The following GDA variants were observed in gnomAD, a reference collection of about 807,000 sequenced individuals.
GDA encodes the protein cytoplasmic PSD-95 interactor.
A neutral mutation model predicts 59.6 loss-of-function variants in GDA; 18 were observed. The ratio of observed to expected loss-of-function variants is 0.30; its 90% confidence interval spans 0.21 to 0.45. GDA has a LOEUF of 0.45. GDA is among the 20% of genes least tolerant of loss of function. The probability of loss-of-function intolerance (pLI) is 1.00; values close to 1 mark genes in which losing one functional copy is unlikely to be tolerated. For missense variants in GDA, 427 were observed against 552.3 expected (o/e 0.77, Z 2.27); for synonymous variants, 201 against 201.1 (o/e 1.00, Z 0.00).
intron 1 of GDA, among the ~76,000 whole-genome samples, chr9:72,132,552 C>T (rs1409522389): frequency 6.6e-6 from 1 of 152,112 alleles, no homozygotes; most frequent in African/African-American, 2.4e-5. Context: ...ATGACAAGTG[C>T]AGATATCTTA....
intron 1 of GDA, among the ~76,000 whole-genome samples, chr9:72,118,974 A>C (rs947293054): frequency 1.4e-4 from 21 of 152,244 alleles, no homozygotes; most frequent in Non-Finnish European, 2.8e-4. Context: ...ATTAAGTTTT[A>C]CATATTTATT....
At chr9:72,240,710 T>A (rs1377020484) in intron 10 of GDA, among the ~76,000 whole-genome samples, 1 of 152,054 alleles carries the variant, frequency 6.6e-6, no homozygotes, top group Non-Finnish European at 1.5e-5. Flanking sequence ...GAAGGCTATT[T>A]GAGGATGGAG....
chr9:72,185,950 A>G (rs1831814588), intron 1 of GDA, among the ~76,000 whole-genome samples: 2 of 152,186 alleles, frequency 1.3e-5, no homozygotes, highest in Non-Finnish European at 1.5e-5. Flanking sequence ...ACAAGGGGCC[A>G]GTTGAGAAGA....
intron 12 of GDA, among the ~76,000 whole-genome samples, chr9:72,245,619 T>C (rs1840056469): frequency 6.6e-6 from 1 of 152,168 alleles, no homozygotes. Flanking sequence ...TCAGAGCAAC[T>C]CTAAGAGAGT....
chr9:72,236,357 A>G (rs779051618), intron 10 of GDA, among the ~76,000 whole-genome samples: 20 of 152,238 alleles, frequency 1.3e-4, no homozygotes, highest in Middle Eastern at 3.4e-3. Flanking sequence ...TAATAAGCGT[A>G]TATCTCCTTT....
At chr9:72,193,884 C>T (rs1832851725) in intron 1 of GDA, 1 of 151,960 alleles carries the variant, frequency 6.6e-6, no homozygotes, top group Non-Finnish European at 1.5e-5. Context: ...CTTCCTTCCC[C>T]TTTTTGAAGG....
At chr9:72,259,313 G>A (rs1049183637), downstream of GDA, among the ~76,000 whole-genome samples, 9 of 152,266 alleles carry the variant, frequency 5.9e-5, no homozygotes, top group African/African-American at 1.9e-4. Context: ...GTGAGCCACC[G>A]TGCCTGGCCA....
In GDA at chr9:72,149,522, C is replaced by T. The variant is rs753746160; in HGVS notation, c.-38C>T. 1 of 1,604,472 alleles carries T rather than the reference C, an allele frequency of 6.2e-7. No homozygotes were observed. The highest frequency in any genetic ancestry group is 1.4e-5 in the African/African-American group (1 of 73,866). The stretch of plus-strand genomic sequence containing the variant: ...GCTGCGTCTCCGCCGCGTGCGCCCT[C>T]CTCGACCAGCAGACCCGCGCTGCGC... On this transcript the variant is annotated 5_prime_UTR_variant, in exon 1 of 14. Transcript: ENST00000358399.
chr9:72,190,371 C>T (rs1015234885), intron 1 of GDA, among the ~76,000 whole-genome samples: 1 of 152,218 alleles, frequency 6.6e-6, no homozygotes, highest in Non-Finnish European at 1.5e-5. Flanking sequence ...AAGCAATCTG[C>T]TCGCCTTGGC....
chr9:72,231,221 A>C (rs188446998), intron 10 of GDA, 40 bp downstream of exon 10: 1 of 1,007,582 alleles, frequency 9.9e-7, no homozygotes, highest in Non-Finnish European at 1.6e-6. Flanking sequence ...AAAGTGGTTG[A>C]TTACTGTGTA....
chr9:72,244,710 T>C, intron 11 of GDA, among the ~76,000 whole-genome samples: 1 of 152,218 alleles, frequency 6.6e-6, no homozygotes, highest in East Asian at 1.9e-4. Context: ...AAATAAATCT[T>C]GTCAGCTATT....
intron 1 of GDA, among the ~76,000 whole-genome samples, chr9:72,156,887 A>T (rs1396148438): frequency 1.3e-5 from 2 of 152,166 alleles, no homozygotes; most frequent in African/African-American, 2.4e-5. Context: ...TGAAGAAAAG[A>T]TACTTGGAAC....
chr9:72,212,749 G>GGA (rs920294533), intron 4 of GDA, among the ~76,000 whole-genome samples: 4 of 152,080 alleles, frequency 2.6e-5, no homozygotes, highest in East Asian at 3.9e-4. Flanking sequence ...ATAGAGAGAG[G>GGA]GAGAGAGAGA....
chr9:72,165,802 G>T (rs925200486), intron 1 of GDA, among the ~76,000 whole-genome samples: 6 of 151,906 alleles, frequency 3.9e-5, no homozygotes, highest in Admixed American at 2.0e-4. Context: ...GGAGGCTGAG[G>T]GGGGAGAACT....
intron 1 of GDA, among the ~76,000 whole-genome samples, chr9:72,119,273 G>T (rs565452388): frequency 1.3e-5 from 2 of 152,334 alleles, no homozygotes; most frequent in Non-Finnish European, 2.9e-5. Context: ...AGGAGGCCGA[G>T]GGGGGCAGAT....
At chr9:72,169,124 C>T (rs1304076644) in intron 1 of GDA, among the ~76,000 whole-genome samples, 1 of 152,210 alleles carries the variant, frequency 6.6e-6, no homozygotes, top group Non-Finnish European at 1.5e-5. Flanking sequence ...ATTGCTAATT[C>T]TTAAGCAGTT....
At chr9:72,238,049 C>T (rs13298009) in intron 10 of GDA, among the ~76,000 whole-genome samples, 24,496 of 152,082 alleles carry the variant, frequency 0.16, 2,187 homozygotes, top group Middle Eastern at 0.29. Flanking sequence ...CCCTTCAATG[C>T]GATTTTGAGT....
chr9:72,257,941 A>AGAG, downstream of GDA, among the ~76,000 whole-genome samples: 3 of 151,316 alleles, frequency 2.0e-5, no homozygotes, highest in East Asian at 3.9e-4. Flanking sequence ...CGAAAAAAAA[A>AGAG]AAAAAAAGAT....
intron 1 of GDA, among the ~76,000 whole-genome samples, chr9:72,120,288 A>C (rs1038744958): frequency 7.9e-5 from 12 of 151,880 alleles, no homozygotes; most frequent in African/African-American, 2.9e-4. Context: ...CCTGGGTTCA[A>C]GCGATTCTCC....
Sources: gnomAD v4.1 joint callset for allele counts (sites outside exome capture counted in the v4.1 genomes callset) on GRCh38, gnomAD v4.1.1 for gene constraint, MANE v1.5 for transcripts, NCBI Gene and HGNC (gene_info 2026-07-23, HGNC 2026-07-21) for gene names.